Variants in LTBP1 observed in about 807,000 individuals in gnomAD.
The protein encoded by LTBP1 is latent-transforming growth factor beta-binding protein 1.
Under a neutral mutation model 207.6 loss-of-function variants are expected in LTBP1, and 129 were observed. That is an observed-to-expected ratio of 0.62 (90% CI 0.54 to 0.72). The LOEUF (loss-of-function observed/expected upper bound fraction) is 0.72. LTBP1 is among the 30% of genes least tolerant of loss of function. The probability of loss-of-function intolerance (pLI) is 0.00; values close to 1 mark genes in which losing one functional copy is unlikely to be tolerated. For synonymous variants in LTBP1, 963 were observed against 833.7 expected, an observed-to-expected ratio of 1.16 and a Z score of -2.67; for missense variants, 2,281 against 2,217.2, an observed-to-expected ratio of 1.03 and a Z score of -0.58.
intron 5 of LTBP1, among the ~76,000 whole-genome samples, chr2:33,155,293 C>T (rs1426354386): frequency 3.4e-5 from 5 of 147,556 alleles, no homozygotes; most frequent in Non-Finnish European, 6.1e-5. Context: ...CTCGAACTCC[C>T]GACCGACCTC....
At chr2:33,301,350 A>G (rs76058255) in intron 21 of LTBP1, among the ~76,000 whole-genome samples, 172 bp from the exon 22 acceptor site, 2,264 of 152,362 alleles carry the variant, frequency 0.015, 22 homozygotes, top group East Asian at 0.026. Context: ...TACTCTGAAT[A>G]TTTGAGAAGC....
intron 3 of LTBP1, among the ~76,000 whole-genome samples, chr2:33,039,786 C>T (rs2076096411): frequency 6.6e-6 from 1 of 152,100 alleles, no homozygotes; most frequent in South Asian, 2.1e-4. Context: ...AATTTGATAA[C>T]CATCAGTTTA....
At chr2:33,013,998 G>A (rs2149130994) in intron 2 of LTBP1, among the ~76,000 whole-genome samples, 1 of 152,244 alleles carries the variant, frequency 6.6e-6, no homozygotes, top group Middle Eastern at 3.4e-3. Context: ...AGATTAGAAA[G>A]GCAAATAGGG....
intron 2 of LTBP1, among the ~76,000 whole-genome samples, chr2:32,967,875 T>G (rs1002231932): frequency 6.6e-6 from 1 of 152,210 alleles, no homozygotes; most frequent in Non-Finnish European, 1.5e-5. Flanking sequence ...TCCTTACTGA[T>G]TTTCTGCATG....
At chr2:33,348,026 A>T (rs538729277) in intron 26 of LTBP1, among the ~76,000 whole-genome samples, 50 of 152,278 alleles carry the variant, frequency 3.3e-4, no homozygotes, top group African/African-American at 1.2e-3. Flanking sequence ...TTAAAATTTG[A>T]TTTAGGCTGT....
At chr2:33,080,703 G>A (rs2078343740) in intron 3 of LTBP1, among the ~76,000 whole-genome samples, 1 of 152,106 alleles carries the variant, frequency 6.6e-6, no homozygotes, top group African/African-American at 2.4e-5. Flanking sequence ...GAGGCACTGT[G>A]TACTGGGATC....
At chr2:33,303,912 A>C (rs1325451348) in intron 22 of LTBP1, among the ~76,000 whole-genome samples, 1 of 152,154 alleles carries the variant, frequency 6.6e-6, no homozygotes, top group Non-Finnish European at 1.5e-5. Flanking sequence ...GACCATCAGC[A>C]TCTCCTCTGT....
chr2:33,192,837 A>G (rs1307731355), intron 7 of LTBP1, among the ~76,000 whole-genome samples: 1 of 152,158 alleles, frequency 6.6e-6, no homozygotes, highest in Non-Finnish European at 1.5e-5. Flanking sequence ...AAGTCACCCC[A>G]TAGCAGAAGG....
At chr2:33,391,307 T>C (rs2095312785) in intron 32 of LTBP1, among the ~76,000 whole-genome samples, 1 of 137,646 alleles carries the variant, frequency 7.3e-6, no homozygotes, top group Non-Finnish European at 1.5e-5. Flanking sequence ...TGAACAACAC[T>C]CTTTCTTTTC....
chr2:33,192,196 C>T (rs2087972065), intron 7 of LTBP1, among the ~76,000 whole-genome samples: 2 of 152,136 alleles, frequency 1.3e-5, no homozygotes, highest in Admixed American at 1.3e-4. Context: ...TATTAAGCCT[C>T]TTAAATCTGA....
intron 5 of LTBP1, among the ~76,000 whole-genome samples, chr2:33,151,702 A>G (rs1414154321): frequency 1.3e-5 from 2 of 152,130 alleles, no homozygotes; most frequent in African/African-American, 4.8e-5. Context: ...ATATCAGTGA[A>G]AACATACGAT....
intron 9 of LTBP1, among the ~76,000 whole-genome samples, chr2:33,241,194 C>T (rs2092310730): frequency 6.6e-6 from 1 of 152,098 alleles, no homozygotes; most frequent in South Asian, 2.1e-4. Flanking sequence ...CCCAGGCTTC[C>T]TGGGTTCTTC....
At chr2:33,119,391 G>T (rs1006028467) in intron 4 of LTBP1, among the ~76,000 whole-genome samples, 1 of 152,006 alleles carries the variant, frequency 6.6e-6, no homozygotes, top group Middle Eastern at 3.2e-3. Flanking sequence ...AATAAAATAG[G>T]CCCACGCAAA....
chr2:33,240,108 T>C (rs930442202), intron 9 of LTBP1, among the ~76,000 whole-genome samples: 2 of 152,174 alleles, frequency 1.3e-5, no homozygotes, highest in African/African-American at 4.8e-5. Flanking sequence ...CCCGTCACGT[T>C]CCATACAGTT....
At chr2:33,014,548 C>T (rs1263034992) in intron 2 of LTBP1, among the ~76,000 whole-genome samples, 2 of 152,184 alleles carry the variant, frequency 1.3e-5, no homozygotes, top group Non-Finnish European at 2.9e-5. Flanking sequence ...AGGACACATG[C>T]GGTAGACATG....
chr2:33,300,339 C>T, intron 20 of LTBP1, 112 bp from the exon 21 acceptor site: 3 of 1,014,786 alleles, frequency 3.0e-6, no homozygotes, highest in Admixed American at 1.9e-5. Flanking sequence ...TAGTGCCAGA[C>T]ATAAGAAGTA....
At chr2:33,396,433 G>A (rs1214800351) in intron 32 of LTBP1, among the ~76,000 whole-genome samples, 1 of 152,006 alleles carries the variant, frequency 6.6e-6, no homozygotes, top group Non-Finnish European at 1.5e-5. Flanking sequence ...TGTTGGCCAC[G>A]CTGGTCTTGA....
intron 2 of LTBP1, among the ~76,000 whole-genome samples, chr2:32,965,993 ATTG>A (rs530391606): frequency 8.1e-4 from 123 of 152,262 alleles, no homozygotes; most frequent in African/African-American, 2.6e-3. Context: ...ATCAGCATTT[ATTG>A]TTGTCATCAG....
At chr2:33,236,085 C>G (rs909588824) in intron 9 of LTBP1, among the ~76,000 whole-genome samples, 2 of 152,056 alleles carry the variant, frequency 1.3e-5, no homozygotes, top group African/African-American at 4.8e-5. Context: ...ATATATTGTT[C>G]TTGGTATATG....
Sources: gnomAD v4.1 joint callset for allele counts (sites outside exome capture counted in the v4.1 genomes callset) on GRCh38, gnomAD v4.1.1 for gene constraint, MANE v1.5 for transcripts, NCBI Gene and HGNC (gene_info 2026-07-23, HGNC 2026-07-21) for gene names.